Variants in CNTN6 observed in about 807,000 individuals in gnomAD.
CNTN6 encodes contactin-6.
CNTN6 carries 137 observed loss-of-function variants against 122.8 expected under a neutral mutation model. That is an observed-to-expected ratio of 1.12 (90% CI 0.97 to 1.29). The LOEUF is 1.29. CNTN6 is among the 50% of genes most tolerant of loss of function. The pLI is 0.00. For missense variants in CNTN6, 1,634 were observed against 1,223.4 expected, an observed-to-expected ratio of 1.34 and a Z score of -5.01; for synonymous variants, 570 against 426.0, an observed-to-expected ratio of 1.34 and a Z score of -4.16.
chr3:1,105,183 A>G (rs1405028476), intron 1 of CNTN6, among the ~76,000 whole-genome samples: 1 of 152,120 alleles, frequency 6.6e-6, no homozygotes, highest in Non-Finnish European at 1.5e-5. Context: ...ACTAAATATT[A>G]TTAATTGTAA....
intron 1 of CNTN6, among the ~76,000 whole-genome samples, chr3:1,094,723 A>C (rs1308480846): frequency 6.6e-6 from 1 of 152,114 alleles, no homozygotes; most frequent in East Asian, 1.9e-4. Context: ...TATGTTGTGA[A>C]AAGGATGTGT....
At chr3:1,163,364 T>C (rs2093176883) in intron 2 of CNTN6, among the ~76,000 whole-genome samples, 1 of 152,210 alleles carries the variant, frequency 6.6e-6, no homozygotes, top group African/African-American at 2.4e-5. Flanking sequence ...TGCAGTGTTA[T>C]ATTTGAATGC....
At chr3:1,247,036 G>T (rs935843971) in intron 4 of CNTN6, among the ~76,000 whole-genome samples, 1 of 150,532 alleles carries the variant, frequency 6.6e-6, no homozygotes, top group South Asian at 2.1e-4. Context: ...TCAATCTATT[G>T]GTCTTTTTCT....
At chr3:1,096,255 G>T (rs1188449172) in intron 1 of CNTN6, among the ~76,000 whole-genome samples, 1 of 151,224 alleles carries the variant, frequency 6.6e-6, no homozygotes. Flanking sequence ...TTCTTTTGTT[G>T]TGTGTGTGTG....
chr3:1,133,037 C>A (rs919437554), intron 1 of CNTN6, among the ~76,000 whole-genome samples: 59 of 152,022 alleles, frequency 3.9e-4, no homozygotes, highest in African/African-American at 1.0e-3. Context: ...TAAGTTAGTG[C>A]ATCATGTATA....
intron 20 of CNTN6, among the ~76,000 whole-genome samples, chr3:1,392,526 C>T (rs1212968359): frequency 6.6e-6 from 1 of 150,502 alleles, no homozygotes; most frequent in East Asian, 2.0e-4. Flanking sequence ...ACACCAAAAG[C>T]AATGGCAACA....
chr3:1,289,969 C>T lies in CNTN6; in HGVS notation c.455-5632C>T, dbSNP rs574811470. ...GATTGCAGGCGTGAGCCAATGCGCCCGGCGAGTTTTATCATTTTTATCAAT... is the reference window on the plus strand; with the variant it reads ...GATTGCAGGCGTGAGCCAATGCGCCTGGCGAGTTTTATCATTTTTATCAAT... On this transcript the variant is annotated intron_variant, in intron 5 of 22. Transcript: ENST00000446702. Among the ~76,000 whole-genome samples, 15 of 152,206 alleles carry T rather than the reference C, an allele frequency of 9.9e-5. No individual in the cohort carries two copies. In the East Asian group the frequency reaches 1.2e-3, roughly 12 times the overall value.
chr3:1,394,571 C>G (rs564957604), intron 20 of CNTN6: 2 of 152,384 alleles, frequency 1.3e-5, no homozygotes, highest in African/African-American at 4.8e-5. Context: ...TTTGAAGTCG[C>G]TCTGTATATA....
intron 11 of CNTN6, among the ~76,000 whole-genome samples, chr3:1,348,751 T>C (rs188299549): frequency 3.9e-4 from 60 of 152,086 alleles, no homozygotes; most frequent in African/African-American, 1.3e-3. Flanking sequence ...CCCTCCGCCA[T>C]CTAGTGGGTA....
intron 12 of CNTN6, among the ~76,000 whole-genome samples, chr3:1,358,807 A>G (rs1018878112): frequency 1.3e-5 from 2 of 152,188 alleles, no homozygotes; most frequent in Admixed American, 6.6e-5. Flanking sequence ...GTGGTGGCTC[A>G]TGCCTGTAAT....
intron 2 of CNTN6, among the ~76,000 whole-genome samples, chr3:1,164,539 T>C (rs568827200): frequency 5.1e-4 from 77 of 152,370 alleles, no homozygotes; most frequent in Non-Finnish European, 9.6e-4. Flanking sequence ...AGGGGAATGA[T>C]ATCCAAATCA....
intron 4 of CNTN6, among the ~76,000 whole-genome samples, chr3:1,267,756 C>T (rs73109300): frequency 0.14 from 21,031 of 151,894 alleles, 2,088 homozygotes; most frequent in African/African-American, 0.28. Flanking sequence ...TGTTTTTTGG[C>T]GTCCTGGGAA....
chr3:1,134,677 T>TTTTTTTG (rs1225924394), intron 1 of CNTN6, among the ~76,000 whole-genome samples: 2 of 151,636 alleles, frequency 1.3e-5, no homozygotes, highest in Non-Finnish European at 2.9e-5. Context: ...TGAGTTTTGT[T>TTTTTTTG]TTTTTTGTTT....
At chr3:1,263,247 T>C (rs1317976550) in intron 4 of CNTN6, among the ~76,000 whole-genome samples, 1 of 152,196 alleles carries the variant, frequency 6.6e-6, no homozygotes, top group Non-Finnish European at 1.5e-5. Context: ...AAGCACTTCA[T>C]TCAAGCACAG....
intron 1 of CNTN6, among the ~76,000 whole-genome samples, chr3:1,104,913 A>C (rs2091145175): frequency 6.6e-6 from 1 of 152,104 alleles, no homozygotes; most frequent in South Asian, 2.1e-4. Context: ...TTCCCTTTTT[A>C]CTCAAACCAA....
chr3:1,301,092 A>AAT (rs1697323284), intron 7 of CNTN6, among the ~76,000 whole-genome samples: 1 of 137,474 alleles, frequency 7.3e-6, no homozygotes, highest in Non-Finnish European at 1.5e-5. Context: ...GCTGGAGTGC[A>AAT]ATGGCACGAT....
At chr3:1,268,203 C>T (rs1419700688) in intron 4 of CNTN6, among the ~76,000 whole-genome samples, 1 of 152,128 alleles carries the variant, frequency 6.6e-6, no homozygotes, top group Non-Finnish European at 1.5e-5. Flanking sequence ...GTATGTCCAC[C>T]CAAGAGGTCA....
chr3:1,230,185 C>T (rs1205597024), intron 4 of CNTN6, among the ~76,000 whole-genome samples: 1 of 152,130 alleles, frequency 6.6e-6, no homozygotes, highest in Non-Finnish European at 1.5e-5. Flanking sequence ...GTAGGATAAC[C>T]ACAGCAGATA....
rs371841795 is a variant in CNTN6 at position 1,254,200 on chromosome 3, C to T, written c.359-24213C>T. On this transcript the variant is annotated intron_variant, in intron 4 of 22. Coordinates refer to ENST00000446702, the MANE Select transcript of CNTN6 (RefSeq NM_001289080.2). ...TTTCATCTCGTGCTTTCTTTCCCTCCCTTCCCAGAAGTAACCGCTTTCCTG... is the reference window on the plus strand; with the variant it reads ...TTTCATCTCGTGCTTTCTTTCCCTCTCTTCCCAGAAGTAACCGCTTTCCTG... Among the ~76,000 whole-genome samples the T allele has an allele frequency of 1.1e-4, 17 of 152,060 alleles. No homozygotes were observed. In the East Asian group the frequency reaches 3.1e-3, roughly 28 times the overall value.
Sources: gnomAD v4.1 joint callset for allele counts (sites outside exome capture counted in the v4.1 genomes callset) on GRCh38, gnomAD v4.1.1 for gene constraint, MANE v1.5 for transcripts, NCBI Gene and HGNC (gene_info 2026-07-23, HGNC 2026-07-21) for gene names.